Variants in PTPRD observed in about 807,000 individuals in gnomAD.
The protein encoded by PTPRD is protein tyrosine phosphatase receptor type D.
In PTPRD, 34 loss-of-function variants were observed where a neutral mutation model predicts 214.5. That is an observed-to-expected ratio of 0.16 (90% CI 0.12 to 0.21). The LOEUF (loss-of-function observed/expected upper bound fraction) is 0.21, where lower values mean the gene tolerates loss of function less well. Ranked by LOEUF, PTPRD falls within the 10% of genes least tolerant of loss-of-function variation. The pLI, the probability that PTPRD is intolerant of heterozygous loss-of-function variation, is 1.00. For synonymous variants in PTPRD, 1,128 were observed against 845.7 expected (o/e 1.33, Z -5.79); for missense variants, 2,545 against 2,398.7 (o/e 1.06, Z -1.27).
chr9:9,102,844 TAAC>T lies in PTPRD; in HGVS notation c.-143+80457_-143+80459del, dbSNP rs555487415. Among the ~76,000 whole-genome samples the T allele has an allele frequency of 9.2e-4, 140 of 152,232 alleles. 1 individual carries two copies. Among genetic ancestry groups the T allele is most frequent in the African/African-American group, 3.2e-3 (133 of 41,562 alleles). On this transcript the variant is annotated intron_variant, in intron 10 of 45. Coordinates refer to ENST00000381196, the MANE Select transcript of PTPRD (RefSeq NM_002839.4). The stretch of plus-strand genomic sequence containing the variant: ...AAAAAATAAGAAAACAAAAACAAAA[TAAC>T]AACAAAAGCAAAATTTGTGAATTGC...
chr9:8,477,764 A>G (rs2096794625), intron 30 of PTPRD, among the ~76,000 whole-genome samples: 1 of 152,104 alleles, frequency 6.6e-6, no homozygotes, highest in African/African-American at 2.4e-5. Flanking sequence ...AGTCCTGTTT[A>G]TGTCTACTTC....
At chr9:10,088,329 G>T (rs1006738856) in intron 3 of PTPRD, among the ~76,000 whole-genome samples, 1 of 151,720 alleles carries the variant, frequency 6.6e-6, no homozygotes, top group Non-Finnish European at 1.5e-5. Flanking sequence ...TGTGCTGAAA[G>T]AACTGAATAT....
intron 3 of PTPRD, among the ~76,000 whole-genome samples, chr9:10,072,630 C>T (rs1023396186): frequency 1.1e-4 from 17 of 152,184 alleles, no homozygotes; most frequent in Non-Finnish European, 2.9e-5. Context: ...TTTTTCCAAT[C>T]CTCCCTGCAA....
chr9:10,556,672 A>G (rs2062682907), intron 2 of PTPRD, among the ~76,000 whole-genome samples: 1 of 152,108 alleles, frequency 6.6e-6, no homozygotes, highest in African/African-American at 2.4e-5. Flanking sequence ...TTATTTTTAC[A>G]AGATCTTGAG....
intron 8 of PTPRD, among the ~76,000 whole-genome samples, chr9:9,402,976 A>C (rs1399831072): frequency 7.1e-6 from 1 of 140,366 alleles, no homozygotes; most frequent in African/African-American, 2.7e-5. Context: ...GAAAAAAAAA[A>C]AAAAAAAAAA....
Position 8,933,561 on chromosome 9 carries a change from A to AT in PTPRD, c.-104+85135dup, listed in dbSNP as rs138753931. ...ATCAGTTTTCTAATGCATGTGACTG[A>AT]TTTTCATTCAGTGAGCTAATGGATA... On this transcript the variant is annotated intron_variant, in intron 11 of 45. Coordinates refer to ENST00000381196, the MANE Select transcript of PTPRD (RefSeq NM_002839.4). 3.6e-3 allele frequency among the ~76,000 whole-genome samples: 542 copies of AT among 151,994 alleles called. 4 individuals carry two copies. The highest frequency in any genetic ancestry group is 0.013 in the African/African-American group (527 of 41,454).
chr9:8,523,105 T>C (rs550717641), intron 19 of PTPRD, among the ~76,000 whole-genome samples: 50 of 151,426 alleles, frequency 3.3e-4, no homozygotes, highest in African/African-American at 1.2e-3. Context: ...AAAGAACATA[T>C]CAAGAAAAAT....
intron 9 of PTPRD, among the ~76,000 whole-genome samples, chr9:9,323,337 T>G (rs1355856243): frequency 1.3e-5 from 2 of 152,170 alleles, no homozygotes; most frequent in African/African-American, 4.8e-5. Flanking sequence ...CTTTTTTACT[T>G]ATCATCTAAT....
intron 3 of PTPRD, among the ~76,000 whole-genome samples, chr9:10,160,193 CTTA>C (rs1245901401): frequency 2.0e-5 from 3 of 152,012 alleles, no homozygotes; most frequent in African/African-American, 7.2e-5. Context: ...AGCAGCTCTA[CTTA>C]TATCAGAATA....
chr9:9,371,265 T>G (rs2059422414), intron 9 of PTPRD, among the ~76,000 whole-genome samples: 1 of 152,096 alleles, frequency 6.6e-6, no homozygotes, highest in Non-Finnish European at 1.5e-5. Context: ...GTTGGTAAGG[T>G]ATTAATTATT....
At chr9:8,913,951 G>T (rs2098766656) in intron 11 of PTPRD, among the ~76,000 whole-genome samples, 1 of 152,066 alleles carries the variant, frequency 6.6e-6, no homozygotes, top group Admixed American at 6.6e-5. Flanking sequence ...ATTGTGCTAG[G>T]TTCTGCCAAT....
At chr9:8,577,243 G>C (rs983515192) in intron 14 of PTPRD, among the ~76,000 whole-genome samples, 4 of 151,618 alleles carry the variant, frequency 2.6e-5, no homozygotes, top group Admixed American at 1.3e-4. Flanking sequence ...TTATTTGTTT[G>C]TTTGTTTGTT....
intron 11 of PTPRD, among the ~76,000 whole-genome samples, chr9:8,916,273 GGA>G (rs139488962): frequency 8.6e-5 from 13 of 151,624 alleles, no homozygotes; most frequent in African/African-American, 3.1e-4. Flanking sequence ...TTACTGTAGA[GGA>G]GAGAGAGAGA....
At chr9:9,633,190 G>A (rs1050905387) in intron 7 of PTPRD, among the ~76,000 whole-genome samples, 2 of 151,922 alleles carry the variant, frequency 1.3e-5, no homozygotes, top group African/African-American at 2.4e-5. Flanking sequence ...AGCTACTCAG[G>A]AGGCTGAAGC....
At chr9:8,928,455 A>G (rs1205033990) in intron 11 of PTPRD, among the ~76,000 whole-genome samples, 2 of 152,204 alleles carry the variant, frequency 1.3e-5, no homozygotes, top group Non-Finnish European at 2.9e-5. Context: ...TTTATTAAAC[A>G]GGGAATCCTT....
At chr9:10,574,480 T>C (rs1036714107) in intron 2 of PTPRD, among the ~76,000 whole-genome samples, 1 of 152,002 alleles carries the variant, frequency 6.6e-6, no homozygotes, top group African/African-American at 2.4e-5. Flanking sequence ...ACATCACCCC[T>C]GTCTTCAGGT....
chr9:9,982,411 C>G (rs1383040876), intron 4 of PTPRD, among the ~76,000 whole-genome samples: 1 of 151,508 alleles, frequency 6.6e-6, no homozygotes, highest in East Asian at 1.9e-4. Flanking sequence ...AGTAAGTCAT[C>G]AAAAATCTCT....
At chr9:8,931,100 A>G (rs1588271409) in intron 11 of PTPRD, among the ~76,000 whole-genome samples, 1 of 152,030 alleles carries the variant, frequency 6.6e-6, no homozygotes. Context: ...TTTAGGTCTG[A>G]CATTTAAGTC....
Position 8,733,906 on chromosome 9 carries a change from G to T in PTPRD, c.-63C>A. 3 of 1,493,742 alleles carry T rather than the reference G, an allele frequency of 2.0e-6. No individual in the cohort carries two copies. The highest frequency in any genetic ancestry group is 2.7e-6 in the Non-Finnish European group (3 of 1,101,156). 92.5% of individuals were successfully genotyped at this position (1,493,742 alleles called of 1,614,324 possible). A position where few individuals can be genotyped will look rare whatever the true frequency, so the allele number is the denominator to read the frequency against. On this transcript the variant is annotated 5_prime_UTR_variant, in exon 12 of 46. Coordinates refer to ENST00000381196, the MANE Select transcript of PTPRD (RefSeq NM_002839.4). ...ATCACTGCCTCCGGAGCCGCAGCGA[G>T]TCTGTCCGATCTGAAATTTCAGCTG...
Sources: gnomAD v4.1 joint callset for allele counts (sites outside exome capture counted in the v4.1 genomes callset) on GRCh38, gnomAD v4.1.1 for gene constraint, MANE v1.5 for transcripts, NCBI Gene and HGNC (gene_info 2026-07-23, HGNC 2026-07-21) for gene names.